Variants in ASAP2 observed in about 807,000 individuals in gnomAD.
ASAP2 encodes the protein ArfGAP with SH3 domain, ankyrin repeat and PH domain 2.
ASAP2 carries 45 observed loss-of-function variants against 131.4 expected under a neutral mutation model. The observed-to-expected ratio is 0.34, with a 90% CI of 0.27 to 0.44. ASAP2 has a LOEUF of 0.44. Among genes scored for constraint, ASAP2 ranks in the 20% least tolerant of loss-of-function variants. The pLI is 1.00. For synonymous variants in ASAP2, 510 were observed against 503.0 expected, an observed-to-expected ratio of 1.01 and a Z score of -0.19; for missense variants, 1,011 against 1,297.0, an observed-to-expected ratio of 0.78 and a Z score of 3.39.
At position 9,318,553 on chromosome 2, in the gene ASAP2, C is replaced by T. The variant is rs768708463; in HGVS notation, c.375C>T (p.Phe125=). 3.8e-5 allele frequency: 62 copies of T among 1,613,470 alleles called. No individual in the cohort carries two copies. The highest frequency in any genetic ancestry group is 4.9e-5 in the Non-Finnish European group (58 of 1,179,654). The part of the protein sequence containing the change: ...LIQNMNNIIS[F]PLDSLLKGDL... Reference sequence around the variant, plus strand: ...AGAATATGAACAACATAATCTCCTTCCCTTTGGACAGTTTGCTGAAGGGGG... The same window carrying T: ...AGAATATGAACAACATAATCTCCTTTCCTTTGGACAGTTTGCTGAAGGGGG... The change falls in exon 4 of 28, where the codon TTC becomes TTT. Residue 125 remains phenylalanine (F), a synonymous_variant. Transcript: ENST00000281419.
chr2:9,351,747 T>G (rs1048380460), intron 12 of ASAP2, among the ~76,000 whole-genome samples: 1 of 152,234 alleles, frequency 6.6e-6, no homozygotes. Flanking sequence ...TCACTTGTTA[T>G]GTGATTCAGC....
At chr2:9,273,972 TA>T (rs761750528) in intron 1 of ASAP2, among the ~76,000 whole-genome samples, 21 of 152,362 alleles carry the variant, frequency 1.4e-4, no homozygotes, top group Non-Finnish European at 2.9e-4. Flanking sequence ...GTTTCAAAGC[TA>T]AACTGTAAGT....
At chr2:9,378,507 G>A (rs1046462163) in intron 18 of ASAP2, among the ~76,000 whole-genome samples, 14 of 152,192 alleles carry the variant, frequency 9.2e-5, no homozygotes, top group African/African-American at 3.4e-4. Context: ...CTCAGCCTCC[G>A]TCCTCCCGTG....
intron 18 of ASAP2, among the ~76,000 whole-genome samples, chr2:9,378,264 A>G (rs6431998): frequency 6.6e-6 from 1 of 152,068 alleles, no homozygotes; most frequent in African/African-American, 2.4e-5. Context: ...GACAGTGGCC[A>G]TGTTTGCTAG....
At position 9,369,876 on chromosome 2, in the gene ASAP2, C is replaced by G. The variant is rs920428608; in HGVS notation, c.1556+1357C>G. Among the ~76,000 whole-genome samples, 46 of 152,034 alleles carry G rather than the reference C, an allele frequency of 3.0e-4. 1 individual carries two copies. The highest frequency in any genetic ancestry group is 2.9e-3 in the Admixed American group (45 of 15,272). ...TAGATTTTTTTTTCCCCTTCAAGAC[C>G]TCTTGCCCAGGCTGGAGTGCAATGA... On this transcript the variant is annotated intron_variant, in intron 16 of 27. Coordinates refer to ENST00000281419, the MANE Select transcript of ASAP2 (RefSeq NM_003887.3).
At chr2:9,384,039 G>T (rs1308653934) in intron 20 of ASAP2, among the ~76,000 whole-genome samples, 1 of 152,150 alleles carries the variant, frequency 6.6e-6, no homozygotes, top group Admixed American at 6.5e-5. Flanking sequence ...GGGAGGGATA[G>T]CATCAGGAGA....
chr2:9,270,824 G>T (rs1317470777), intron 1 of ASAP2, among the ~76,000 whole-genome samples: 2 of 74,182 alleles, frequency 2.7e-5, no homozygotes, highest in South Asian at 3.7e-4. Flanking sequence ...ACGGAGTCTC[G>T]CTCCGTCGCC....
At chr2:9,398,050 G>A (rs1195226430) in intron 24 of ASAP2, among the ~76,000 whole-genome samples, 4 of 151,648 alleles carry the variant, frequency 2.6e-5, no homozygotes, top group African/African-American at 4.8e-5. Context: ...GAGCCACTGC[G>A]CCCGGCCTCA....
At chr2:9,273,452 C>T (rs1026850200) in intron 1 of ASAP2, among the ~76,000 whole-genome samples, 3 of 152,190 alleles carry the variant, frequency 2.0e-5, no homozygotes, top group African/African-American at 7.2e-5. Flanking sequence ...GTTCACCTTG[C>T]CCGCTGCTGC....
At chr2:9,249,683 G>T (rs2666214) in intron 1 of ASAP2, among the ~76,000 whole-genome samples, 76,115 of 152,128 alleles carry the variant, frequency 0.5, 20,196 homozygotes, top group African/African-American at 0.68. Context: ...GTGAGACTGG[G>T]CGCTGGGCTG....
intron 24 of ASAP2, among the ~76,000 whole-genome samples, chr2:9,397,816 TG>T (rs1676288743): frequency 1.5e-5 from 2 of 133,904 alleles, no homozygotes; most frequent in South Asian, 5.0e-4. Flanking sequence ...TGGAGTGCAG[TG>T]GCTCGATCTC....
At chr2:9,292,205 G>A (rs187077357) in intron 2 of ASAP2, among the ~76,000 whole-genome samples, 6 of 152,266 alleles carry the variant, frequency 3.9e-5, no homozygotes, top group African/African-American at 1.4e-4. Context: ...GCCCTGTGGC[G>A]ATTTTGAGAG....
At chr2:9,344,913 A>T (rs1237614944) in intron 11 of ASAP2, 113 bp downstream of exon 11, 1 of 901,908 alleles carries the variant, frequency 1.1e-6, no homozygotes, top group Non-Finnish European at 1.7e-6. Context: ...GGTATTAAGG[A>T]TGTGTCTTAG....
At chr2:9,397,475 G>T (rs1031284627) in intron 24 of ASAP2, among the ~76,000 whole-genome samples, 8 of 152,004 alleles carry the variant, frequency 5.3e-5, no homozygotes, top group Non-Finnish European at 8.8e-5. Flanking sequence ...TGTCGTCAGC[G>T]CCCAGTGGAG....
intron 15 of ASAP2, among the ~76,000 whole-genome samples, chr2:9,367,121 C>T (rs1166957968): frequency 1.3e-5 from 2 of 149,340 alleles, no homozygotes; most frequent in African/African-American, 5.0e-5. Flanking sequence ...ATCTTCACCT[C>T]CTGGATTCAA....
At chr2:9,231,765 C>T (rs1464060804) in intron 1 of ASAP2, among the ~76,000 whole-genome samples, 2 of 152,170 alleles carry the variant, frequency 1.3e-5, no homozygotes, top group African/African-American at 2.4e-5. Flanking sequence ...TTTGGAGACT[C>T]TCCTCTCTGT....
At chr2:9,254,667 C>T (rs1050588087) in intron 1 of ASAP2, among the ~76,000 whole-genome samples, 4 of 151,024 alleles carry the variant, frequency 2.6e-5, no homozygotes, top group Non-Finnish European at 5.9e-5. Flanking sequence ...AGCCACCGTC[C>T]CCGGCCTATA....
chr2:9,310,210 G>A (rs761903078), intron 3 of ASAP2, among the ~76,000 whole-genome samples: 11 of 152,152 alleles, frequency 7.2e-5, no homozygotes, highest in African/African-American at 2.2e-4. Context: ...GCATTTGCTC[G>A]AATTAAAATC....
chr2:9,330,539 C>T (rs1410809041), intron 7 of ASAP2, among the ~76,000 whole-genome samples: 3 of 152,010 alleles, frequency 2.0e-5, no homozygotes, highest in African/African-American at 7.3e-5. Context: ...TGCACTTGTA[C>T]CCCATGAATT....
Sources: gnomAD v4.1 joint callset for allele counts (sites outside exome capture counted in the v4.1 genomes callset) on GRCh38, gnomAD v4.1.1 for gene constraint, MANE v1.5 for transcripts, NCBI Gene and HGNC (gene_info 2026-07-23, HGNC 2026-07-21) for gene names.